Variants in PTPRM observed in about 807,000 individuals in gnomAD.
PTPRM encodes the protein protein tyrosine phosphatase receptor type M.
A neutral mutation model predicts 186.7 loss-of-function variants in PTPRM; 47 were observed. The ratio of observed to expected loss-of-function variants is 0.25; its 90% CI spans 0.20 to 0.32. The LOEUF (loss-of-function observed/expected upper bound fraction) is 0.32. PTPRM is among the 10% of genes least tolerant of loss of function. The pLI, the probability that PTPRM is intolerant of heterozygous loss-of-function variation, is 1.00. For missense variants in PTPRM, 1,494 were observed against 1,865.0 expected, an observed-to-expected ratio of 0.80 and a Z score of 3.66; for synonymous variants, 668 against 674.9, an observed-to-expected ratio of 0.99 and a Z score of 0.16.
chr18:7,779,867 A>T (rs753345914), intron 2 of PTPRM, among the ~76,000 whole-genome samples: 2 of 152,216 alleles, frequency 1.3e-5, no homozygotes, highest in Non-Finnish European at 2.9e-5. Flanking sequence ...TTTTTCACCG[A>T]GTGAAACAAA....
intron 5 of PTPRM, among the ~76,000 whole-genome samples, chr18:7,928,669 T>G (rs1435939551): frequency 2.0e-5 from 3 of 152,158 alleles, no homozygotes; most frequent in Non-Finnish European, 4.4e-5. Context: ...GAATACAATA[T>G]AAATACTATA....
chr18:7,636,604 A>T (rs142487873), intron 1 of PTPRM, among the ~76,000 whole-genome samples: 101 of 152,210 alleles, frequency 6.6e-4, no homozygotes, highest in African/African-American at 2.4e-3. Context: ...TAAGGGGGAG[A>T]TGAGACCTGC....
intron 19 of PTPRM, among the ~76,000 whole-genome samples, chr18:8,263,898 G>A (rs2094665717): frequency 6.6e-6 from 1 of 152,300 alleles, no homozygotes; most frequent in South Asian, 2.1e-4. Context: ...ACCAGTAAAT[G>A]TGTGTTCCCT....
chr18:8,295,782 C>T (rs1267220443), intron 19 of PTPRM, among the ~76,000 whole-genome samples: 1 of 151,876 alleles, frequency 6.6e-6, no homozygotes, highest in Non-Finnish European at 1.5e-5. Context: ...AATTGAATAA[C>T]CTGAAGATTA....
intron 2 of PTPRM, among the ~76,000 whole-genome samples, chr18:7,833,548 A>G (rs1178777572): frequency 6.6e-6 from 1 of 152,186 alleles, no homozygotes; most frequent in Non-Finnish European, 1.5e-5. Flanking sequence ...AGCATGGCCA[A>G]TATGGTGAAA....
intron 32 of PTPRM, among the ~76,000 whole-genome samples, chr18:8,396,205 A>G (rs2095844636): frequency 6.6e-6 from 1 of 152,238 alleles, no homozygotes; most frequent in Non-Finnish European, 1.5e-5. Context: ...AAGAGTGGCC[A>G]TGCTGTCGGC....
intron 3 of PTPRM, among the ~76,000 whole-genome samples, chr18:7,905,435 T>A: frequency 6.6e-6 from 1 of 152,226 alleles, no homozygotes; most frequent in Non-Finnish European, 1.5e-5. Context: ...AACGCCCTCT[T>A]GATTTTGCCA....
At chr18:7,981,861 G>A (rs921948429) in intron 7 of PTPRM, among the ~76,000 whole-genome samples, 2 of 152,170 alleles carry the variant, frequency 1.3e-5, no homozygotes, top group African/African-American at 4.8e-5. Flanking sequence ...TATTTGTGTA[G>A]CTAAACATTG....
intron 7 of PTPRM, among the ~76,000 whole-genome samples, chr18:8,047,389 A>G (rs1201241134): frequency 6.6e-6 from 1 of 152,200 alleles, no homozygotes; most frequent in Non-Finnish European, 1.5e-5. Context: ...ATGAAGAATT[A>G]GCTATATGAT....
intron 7 of PTPRM, among the ~76,000 whole-genome samples, chr18:8,012,567 A>T (rs1407998798): frequency 6.6e-6 from 1 of 152,198 alleles, no homozygotes; most frequent in Non-Finnish European, 1.5e-5. Flanking sequence ...GGTGTTGCCT[A>T]TGGTTCCTAG....
intron 32 of PTPRM, among the ~76,000 whole-genome samples, chr18:8,396,776 A>T (rs1389370725): frequency 2.0e-5 from 3 of 152,254 alleles, no homozygotes; most frequent in Admixed American, 6.5e-5. Context: ...TATGTGACAT[A>T]TCTGTCACGG....
At chr18:7,678,472 A>G (rs899212012) in intron 1 of PTPRM, among the ~76,000 whole-genome samples, 1 of 152,176 alleles carries the variant, frequency 6.6e-6, no homozygotes, top group African/African-American at 2.4e-5. Flanking sequence ...CTGGGAGCAC[A>G]GGCATTTTGT....
chr18:7,725,045 T>C (rs2040518756), intron 1 of PTPRM, among the ~76,000 whole-genome samples: 1 of 152,194 alleles, frequency 6.6e-6, no homozygotes, highest in African/African-American at 2.4e-5. Flanking sequence ...TTCTCCTGAA[T>C]TGGCAGAGAC....
At chr18:7,959,801 T>C (rs1459987337) in intron 7 of PTPRM, among the ~76,000 whole-genome samples, 1 of 152,216 alleles carries the variant, frequency 6.6e-6, no homozygotes, top group African/African-American at 2.4e-5. Context: ...TAAAATGCCC[T>C]GTCAATATGG....
chr18:8,203,339 TAAAAG>T (rs2093883945), intron 14 of PTPRM, among the ~76,000 whole-genome samples: 1 of 151,792 alleles, frequency 6.6e-6, no homozygotes, highest in Non-Finnish European at 1.5e-5. Context: ...TGTGTTGTAT[TAAAAG>T]AAAACAACAA....
intron 24 of PTPRM, among the ~76,000 whole-genome samples, chr18:8,374,129 A>G (rs2095681104): frequency 6.6e-6 from 1 of 152,226 alleles, no homozygotes; most frequent in South Asian, 2.1e-4. Flanking sequence ...CACTCTTGTC[A>G]ATAGCAAACA....
rs143851403 is a variant in PTPRM, at chr18:8,328,350, CT to C, written c.2956+9138del. The stretch of plus-strand genomic sequence containing the variant: ...TCTGGCCTCCAGATGGAGATGAACA[CT>C]TGAAATTATTTCTCAGTAGAATTGA... On this transcript the variant is annotated intron_variant, in intron 22 of 32. Coordinates refer to ENST00000580170, the MANE Select transcript of PTPRM (RefSeq NM_001105244.2). Among the ~76,000 whole-genome samples, 885 of 152,302 alleles carry C rather than the reference CT, an allele frequency of 5.8e-3. 9 individuals are homozygous for C. Among genetic ancestry groups the C allele is most frequent in the African/African-American group, 0.02 (838 of 41,572 alleles).
In PTPRM at chr18:8,240,501, GGAAGGAAGGAAGGAAGGAAGGA is replaced by G. The variant is rs1568582773; in HGVS notation, c.2301-3556_2301-3535del. Among the ~76,000 whole-genome samples the G allele has an allele frequency of 1.1e-3, 49 of 44,806 alleles. 1 individual carries two copies. The highest frequency in any genetic ancestry group is 5.6e-3 in the African/African-American group (49 of 8,762). The allele number at this position is 44,806 out of a possible 152,430, so 29.4% of individuals were successfully genotyped here. A position where few individuals can be genotyped will look rare whatever the true frequency, so the allele number is the denominator to read the frequency against. ...AGGGGAGGAGAGAGAGAGAGAGAGAGGAAGGAAGGAAGGAAGGAAGGAAGGAAGGAAGGAAGGAAGGAAGGAA... is the reference window on the plus strand; with the variant it reads ...AGGGGAGGAGAGAGAGAGAGAGAGAGAGGAAGGAAGGAAGGAAGGAAGGAA... On this transcript the variant is annotated intron_variant, in intron 14 of 32. Coordinates refer to ENST00000580170, the MANE Select transcript of PTPRM (RefSeq NM_001105244.2).
At chr18:7,849,975 TTTTA>T (rs2046786305) in intron 2 of PTPRM, among the ~76,000 whole-genome samples, 1 of 152,324 alleles carries the variant, frequency 6.6e-6, no homozygotes, top group South Asian at 2.1e-4. Flanking sequence ...CATTCATGTG[TTTTA>T]TTTATTTCCT....
Sources: gnomAD v4.1 joint callset for allele counts (sites outside exome capture counted in the v4.1 genomes callset) on GRCh38, gnomAD v4.1.1 for gene constraint, MANE v1.5 for transcripts, NCBI Gene and HGNC (gene_info 2026-07-23, HGNC 2026-07-21) for gene names.